The following SCN2A variants were observed in gnomAD, a reference collection of about 807,000 sequenced individuals.
The protein encoded by SCN2A is sodium voltage-gated channel alpha subunit 2.
Under a neutral mutation model 188.7 loss-of-function variants are expected in SCN2A, and 20 were observed. That is an observed-to-expected ratio of 0.11 (90% CI 0.07 to 0.15). The LOEUF (loss-of-function observed/expected upper bound fraction) is 0.15, where lower values mean the gene tolerates loss of function less well. Among genes scored for constraint, SCN2A ranks in the 10% least tolerant of loss-of-function variants. The probability of loss-of-function intolerance (pLI) is 1.00; values close to 1 mark genes in which losing one functional copy is unlikely to be tolerated. For missense variants in SCN2A, 1,278 were observed against 2,445.0 expected, an observed-to-expected ratio of 0.52 and a Z score of 10.07; for synonymous variants, 804 against 833.1, an observed-to-expected ratio of 0.97 and a Z score of 0.60.
intron 3 of SCN2A, among the ~76,000 whole-genome samples, chr2:165,301,596 A>G (rs2105225932): frequency 6.6e-6 from 1 of 152,348 alleles, no homozygotes; most frequent in East Asian, 1.9e-4. Flanking sequence ...TAATAATGAT[A>G]AAATGTATGA....
intron 1 of SCN2A, among the ~76,000 whole-genome samples, chr2:165,252,172 G>A (rs1219022672): frequency 2.0e-5 from 3 of 151,946 alleles, no homozygotes; most frequent in African/African-American, 7.3e-5. Flanking sequence ...TTAGTTCACA[G>A]GTAATAAAAC....
At chr2:165,240,165 C>T (rs1693552369) in intron 1 of SCN2A, 1 of 152,152 alleles carries the variant, frequency 6.6e-6, no homozygotes, top group African/African-American at 2.4e-5. Context: ...TAAGTCATTT[C>T]TCCCACATGA....
chr2:165,383,164 G>A (rs1439456456), intron 25 of SCN2A, among the ~76,000 whole-genome samples: 3 of 152,064 alleles, frequency 2.0e-5, no homozygotes, highest in Non-Finnish European at 4.4e-5. Context: ...GCAACGGATA[G>A]TAATCAAATA....
intron 16 of SCN2A, among the ~76,000 whole-genome samples, chr2:165,349,781 C>T (rs1356476376): frequency 6.6e-6 from 1 of 152,108 alleles, no homozygotes; most frequent in African/African-American, 2.4e-5. Context: ...TCATATATAT[C>T]ATGTTTACCA....
intron 1 of SCN2A, chr2:165,274,233 A>T (rs1438384752): frequency 6.7e-6 from 1 of 149,606 alleles, no homozygotes; most frequent in Admixed American, 6.7e-5. Flanking sequence ...TGAATTCGAA[A>T]TATTTTATTG....
At position 165,307,378 on chromosome 2, in the gene SCN2A, A is replaced by G. The variant is rs551150797; in HGVS notation, c.387-470A>G. 9.1e-4 allele frequency among the ~76,000 whole-genome samples: 138 copies of G among 152,234 alleles called. 1 individual carries two copies. The highest frequency in any genetic ancestry group is 3.1e-3 in the African/African-American group (130 of 41,560). On this transcript the variant is annotated intron_variant, in intron 3 of 26. Coordinates refer to ENST00000375437, the MANE Select transcript of SCN2A (RefSeq NM_001040142.2). ...TCAGGATTTTATGAGCAATTACAGT[A>G]TATTATACCCTCTGTTTAGAAAGGA... is the stretch of plus-strand genomic sequence containing the variant.
chr2:165,245,898 G>A lies in SCN2A; in HGVS notation c.-52+6258G>A, dbSNP rs141814356. Reference sequence around the variant, plus strand: ...TGAAATGACCTATCAATTAGACAAAGGGCATTCAGCTAAGCTGCTCCAATT... The same window carrying A: ...TGAAATGACCTATCAATTAGACAAAAGGCATTCAGCTAAGCTGCTCCAATT... On this transcript the variant is annotated intron_variant, in intron 1 of 26. Coordinates refer to ENST00000375437, the MANE Select transcript of SCN2A (RefSeq NM_001040142.2). Among the ~76,000 whole-genome samples, 736 of 152,242 alleles carry A rather than the reference G, an allele frequency of 4.8e-3. 8 individuals carry two copies. Among genetic ancestry groups the A allele is most frequent in the African/African-American group, 0.017 (701 of 41,552 alleles).
intron 3 of SCN2A, 87 bp from the exon 4 acceptor site, chr2:165,307,761 G>C: frequency 1.1e-6 from 1 of 905,564 alleles, no homozygotes; most frequent in South Asian, 1.3e-5. Context: ...AAGCACTAAA[G>C]TTTTAAACTT....
rs747451714 is a variant in SCN2A, at chr2:165,354,315, G to T, written c.3043G>T (p.Asp1015Tyr). The change falls in exon 17 of 27, where the codon GAT becomes TAT. Residue 1015 changes from aspartate to tyrosine, a missense_variant. Transcript: ENST00000375437. ...TGTGGGAAGGATGCAGAAAGGAATC[G>T]ATTTTGTTAAAAGAAAAATACGTGA... The part of the protein sequence containing the change: ...IAVGRMQKGI[D>Y]FVKRKIREFI... The T allele has an allele frequency of 6.2e-7, 1 of 1,613,990 alleles. No individual in the cohort carries two copies.
rs796053204 is a variant in SCN2A, at chr2:165,315,617, G to T, written c.1530G>T (p.Gln510His). ...AAAACAGAAGAAAGAAAAAGAAACAGAAAGAACAGTCTGGAGAAGAAGAGA... is the reference window on the plus strand; with the variant it reads ...AAAACAGAAGAAAGAAAAAGAAACATAAAGAACAGTCTGGAGAAGAAGAGA... ...ELKNRRKKKK[Q>H]KEQSGEEEKN... is the part of the protein sequence containing the mutation. The change falls in exon 11 of 27, where the codon CAG becomes CAT. Residue 510 changes from glutamine (Q) to histidine (H), a missense_variant. This residue lies in a region of SCN2A where 315 missense variants were observed against 386.6 expected (regional missense o/e 0.81). Transcript: ENST00000375437. 6.2e-7 allele frequency: 1 copy of T among 1,613,956 alleles called. No homozygotes were observed. The highest frequency in any genetic ancestry group is 8.5e-7 in the Non-Finnish European group (1 of 1,179,920).
At chr2:165,377,744 G>T (rs1701387318) in intron 23 of SCN2A, 94 bp downstream of exon 23, 2 of 1,031,974 alleles carry the variant, frequency 1.9e-6, no homozygotes, top group Non-Finnish European at 2.9e-6. Flanking sequence ...ATAAAATTAT[G>T]TGCTTAATTT....
chr2:165,377,334 G>A (rs1574722903), intron 22 of SCN2A, among the ~76,000 whole-genome samples: 1 of 151,896 alleles, frequency 6.6e-6, no homozygotes, highest in East Asian at 1.9e-4. Flanking sequence ...TGTTCATATT[G>A]TTTTTATGAT....
intron 3 of SCN2A, among the ~76,000 whole-genome samples, chr2:165,305,438 C>T (rs10497259): frequency 0.18 from 26,680 of 151,948 alleles, 2,521 homozygotes; most frequent in South Asian, 0.27. Context: ...GTTTGTTGAG[C>T]AATGTTTGTT....
chr2:165,309,610 G>A (rs1196633645), intron 6 of SCN2A, among the ~76,000 whole-genome samples, 167 bp downstream of exon 6: 4 of 152,050 alleles, frequency 2.6e-5, no homozygotes, highest in African/African-American at 7.2e-5. Flanking sequence ...CTTTTTACTC[G>A]TTGCTTTCTT....
intron 14 of SCN2A, among the ~76,000 whole-genome samples, chr2:165,340,469 A>G (rs956643472): frequency 2.6e-5 from 4 of 152,200 alleles, no homozygotes; most frequent in Non-Finnish European, 5.9e-5. Flanking sequence ...AAGAGAAGCA[A>G]AACTGTGGAG....
At chr2:165,376,361 TA>T (rs1217065035) in intron 22 of SCN2A, among the ~76,000 whole-genome samples, 1 of 151,840 alleles carries the variant, frequency 6.6e-6, no homozygotes, top group Non-Finnish European at 1.5e-5. Context: ...GCAATTAAAA[TA>T]AAAATGCATA....
intron 1 of SCN2A, among the ~76,000 whole-genome samples, chr2:165,294,910 G>C (rs1305438866): frequency 6.6e-6 from 1 of 152,172 alleles, no homozygotes; most frequent in Non-Finnish European, 1.5e-5. Flanking sequence ...TCCAAATTCT[G>C]ATATGGACAC....
chr2:165,255,625 A>T (rs2106076124), intron 1 of SCN2A, among the ~76,000 whole-genome samples: 1 of 152,250 alleles, frequency 6.6e-6, no homozygotes, highest in South Asian at 2.1e-4. Flanking sequence ...TAAGGATGTT[A>T]CCATTATTAC....
intron 25 of SCN2A, among the ~76,000 whole-genome samples, chr2:165,386,331 G>T (rs1407764241): frequency 6.6e-6 from 1 of 151,986 alleles, no homozygotes; most frequent in East Asian, 1.9e-4. Flanking sequence ...GGGCATGGTG[G>T]CATGTACCTG....
Sources: gnomAD v4.1 joint callset for allele counts (sites outside exome capture counted in the v4.1 genomes callset) on GRCh38, gnomAD v4.1.1 for gene constraint, gnomAD v4.1.1 regional missense constraint, MANE v1.5 for transcripts, NCBI Gene and HGNC (gene_info 2026-07-23, HGNC 2026-07-21) for gene names.